The following LAMA2 variants were observed in gnomAD, a reference collection of about 807,000 sequenced individuals.
LAMA2 encodes laminin subunit alpha 2.
In LAMA2, 269 loss-of-function variants were observed where a neutral mutation model predicts 364.8. The observed-to-expected ratio is 0.74, with a 90% CI of 0.67 to 0.82. The LOEUF is 0.82. LAMA2 is among the 40% of genes least tolerant of loss of function. The pLI is 0.00. For synonymous variants in LAMA2, 1,379 were observed against 1,370.6 expected (o/e 1.01, Z -0.14); for missense variants, 3,807 against 3,873.2 (o/e 0.98, Z 0.45).
At chr6:129,256,487 G>A (rs1294958250) in intron 14 of LAMA2, among the ~76,000 whole-genome samples, 1 of 151,870 alleles carries the variant, frequency 6.6e-6, no homozygotes, top group African/African-American at 2.4e-5. Flanking sequence ...CAGTAGAGAA[G>A]ACAGATATAC....
intron 41 of LAMA2, chr6:129,436,923 C>T (rs1387848412): frequency 6.6e-6 from 1 of 152,072 alleles, no homozygotes; most frequent in Non-Finnish European, 1.5e-5. Flanking sequence ...TGCACATAGA[C>T]AATGCTATTC....
At chr6:128,993,099 A>G (rs536303705) in intron 1 of LAMA2, among the ~76,000 whole-genome samples, 1 of 152,292 alleles carries the variant, frequency 6.6e-6, no homozygotes, top group South Asian at 2.1e-4. Context: ...CTGAGGATGA[A>G]ATCACTTAAC....
chr6:129,283,053 A>G (rs940916767), intron 18 of LAMA2, among the ~76,000 whole-genome samples: 1 of 152,170 alleles, frequency 6.6e-6, no homozygotes, highest in Non-Finnish European at 1.5e-5. Context: ...CACTAGTTAC[A>G]GCTTGGAAAA....
At chr6:129,041,778 G>A (rs889533881) in intron 1 of LAMA2, among the ~76,000 whole-genome samples, 1 of 152,096 alleles carries the variant, frequency 6.6e-6, no homozygotes, top group African/African-American at 2.4e-5. Flanking sequence ...TGAGGTGGGA[G>A]CATTGCCTGA....
chr6:129,235,663 C>G (rs369109271), intron 12 of LAMA2, among the ~76,000 whole-genome samples: 20 of 152,084 alleles, frequency 1.3e-4, no homozygotes, highest in Non-Finnish European at 2.5e-4. Flanking sequence ...AGTTTGTACT[C>G]CTTTGTTCTA....
At chr6:128,954,965 TA>T (rs1266907501) in intron 1 of LAMA2, among the ~76,000 whole-genome samples, 2 of 150,240 alleles carry the variant, frequency 1.3e-5, no homozygotes, top group Non-Finnish European at 3.0e-5. Context: ...GATAAATCTA[TA>T]AGGCACAGGT....
At chr6:128,937,150 G>A (rs1779874865) in intron 1 of LAMA2, among the ~76,000 whole-genome samples, 1 of 152,178 alleles carries the variant, frequency 6.6e-6, no homozygotes, top group Non-Finnish European at 1.5e-5. Context: ...GCATAAGTGA[G>A]AATACTATAT....
At chr6:128,965,627 A>T (rs1204045637) in intron 1 of LAMA2, among the ~76,000 whole-genome samples, 1 of 152,066 alleles carries the variant, frequency 6.6e-6, no homozygotes, top group Non-Finnish European at 1.5e-5. Flanking sequence ...AATTCAATGT[A>T]TGTAAGTTTC....
chr6:128,905,812 G>A (rs1202475508), intron 1 of LAMA2, among the ~76,000 whole-genome samples: 3 of 150,966 alleles, frequency 2.0e-5, no homozygotes, highest in Non-Finnish European at 4.4e-5. Flanking sequence ...AGTCCCCAGA[G>A]TGTGATGTTC....
At chr6:129,414,922 A>G in intron 40 of LAMA2, among the ~76,000 whole-genome samples, 1 of 152,200 alleles carries the variant, frequency 6.6e-6, no homozygotes, top group East Asian at 1.9e-4. Context: ...TAAGTGGGGC[A>G]TTATCTATTT....
intron 2 of LAMA2, among the ~76,000 whole-genome samples, chr6:129,052,488 T>C (rs1788143505): frequency 6.6e-6 from 1 of 151,924 alleles, no homozygotes; most frequent in South Asian, 2.1e-4. Context: ...TTTAGAGCAG[T>C]TTGAGGTTCA....
intron 41 of LAMA2, among the ~76,000 whole-genome samples, chr6:129,432,610 A>G (rs967905668): frequency 2.6e-5 from 4 of 152,152 alleles, no homozygotes; most frequent in South Asian, 2.1e-4. Context: ...CCTTCAAGAG[A>G]CTTACAGATA....
chr6:129,089,493 ATTG>A (rs1253881608), intron 3 of LAMA2, among the ~76,000 whole-genome samples: 3 of 152,212 alleles, frequency 2.0e-5, no homozygotes, highest in Admixed American at 1.3e-4. Flanking sequence ...GATTCACACC[ATTG>A]TTGTACTCTG....
chr6:129,506,932 T>C (rs926788447), intron 61 of LAMA2, among the ~76,000 whole-genome samples: 7 of 152,120 alleles, frequency 4.6e-5, no homozygotes, highest in East Asian at 1.9e-4. Flanking sequence ...CAGAGTGTGA[T>C]TGAGTTACTT....
chr6:129,263,448 T>A (rs1203555378), intron 15 of LAMA2, among the ~76,000 whole-genome samples: 1 of 152,070 alleles, frequency 6.6e-6, no homozygotes, highest in Non-Finnish European at 1.5e-5. Context: ...CTTCCTGAGG[T>A]GGTGACAGCT....
chr6:129,196,603 A>G (rs1319231887), intron 12 of LAMA2, among the ~76,000 whole-genome samples: 2 of 152,168 alleles, frequency 1.3e-5, no homozygotes, highest in African/African-American at 2.4e-5. Flanking sequence ...TCTTTGCTCC[A>G]TAGTCCTCAA....
At chr6:129,194,527 C>A (rs941161910) in intron 12 of LAMA2, among the ~76,000 whole-genome samples, 19 of 152,134 alleles carry the variant, frequency 1.2e-4, no homozygotes, top group Non-Finnish European at 2.9e-5. Flanking sequence ...TTTCTTATAA[C>A]CCACAGTGAA....
At chr6:129,145,068 T>C (rs1338946659) in intron 5 of LAMA2, among the ~76,000 whole-genome samples, 1 of 152,036 alleles carries the variant, frequency 6.6e-6, no homozygotes, top group African/African-American at 2.4e-5. Context: ...GAGTATCTAC[T>C]GTATGACTAG....
Position 129,366,241 on chromosome 6 carries a change from C to A in LAMA2, c.4740C>A (p.Gly1580=), listed in dbSNP as rs371629354. 5.9e-5 allele frequency: 95 copies of A among 1,613,796 alleles called. No individual in the cohort carries two copies. In the African/African-American group the frequency reaches 1.0e-3, roughly 17 times the overall value. Residue 1580 remains glycine, a synonymous_variant, in exon 33 of 65, where the codon GGC becomes GGA. Transcript: ENST00000421865. ...ECVFCGDECT[G]LLLGDLARLE... is the part of the protein sequence containing the mutation. Reference sequence around the variant, plus strand: ...CAGTTTGTGGAGATGAGTGCACTGGCCTTCTTCTCGGTGACTTGGCTCGCC... The same window carrying A: ...CAGTTTGTGGAGATGAGTGCACTGGACTTCTTCTCGGTGACTTGGCTCGCC...
Sources: gnomAD v4.1 joint callset for allele counts (sites outside exome capture counted in the v4.1 genomes callset) on GRCh38, gnomAD v4.1.1 for gene constraint, MANE v1.5 for transcripts, NCBI Gene and HGNC (gene_info 2026-07-23, HGNC 2026-07-21) for gene names.